FMN1: variants seen among roughly 807,000 people sequenced by gnomAD.
The protein encoded by FMN1 is formin-1.
FMN1 carries 110 observed loss-of-function variants against 132.4 expected under a neutral mutation model. That is an observed-to-expected ratio of 0.83 (90% CI 0.71 to 0.97). The LOEUF (loss-of-function observed/expected upper bound fraction) is 0.97, where lower values mean the gene tolerates loss of function less well. FMN1 is among the 50% of genes least tolerant of loss of function. The pLI is 0.00. For missense variants in FMN1, 1,792 were observed against 1,705.3 expected, an observed-to-expected ratio of 1.05 and a Z score of -0.90; for synonymous variants, 722 against 651.7, an observed-to-expected ratio of 1.11 and a Z score of -1.64.
At chr15:33,150,810 A>T in intron 4 of FMN1, 1 of 986,942 alleles carries the variant, frequency 1.0e-6, no homozygotes, top group Non-Finnish European at 1.2e-6. Context: ...ATAAATGTCC[A>T]CAGACCATAA....
At position 33,153,629 on chromosome 15, in the gene FMN1, T is replaced by G; in HGVS notation, c.1286A>C (p.Lys429Thr). The change falls in exon 4 of 21, where the codon AAG becomes ACG. Residue 429 changes from lysine to threonine, a missense_variant. Lys to Thr is a moderately conservative substitution (Grantham distance 78). Around this residue, in one of 3 missense-constraint regions of FMN1, gnomAD observed 638 missense variants for 645.2 expected, o/e 0.99. Coordinates refer to ENST00000616417, the MANE Select transcript of FMN1 (RefSeq NM_001277313.2). ...KVPLKVIESE[K>T]LDEAPEGKRL... ...TTTCCCCTCAGGGGCTTCATCTAACTTCTCACTCTCTATCACCTTCAGGGG... is the reference window on the plus strand; with the variant it reads ...TTTCCCCTCAGGGGCTTCATCTAACGTCTCACTCTCTATCACCTTCAGGGG... 9.8e-6 allele frequency: 15 copies of G among 1,536,258 alleles called. No individual in the cohort carries two copies. Among genetic ancestry groups the G allele is most frequent in the Non-Finnish European group, 1.3e-5 (15 of 1,146,928 alleles).
chr15:32,810,472 C>A (rs2057835645), intron 17 of FMN1, among the ~76,000 whole-genome samples: 2 of 152,202 alleles, frequency 1.3e-5, no homozygotes, highest in Non-Finnish European at 2.9e-5. Flanking sequence ...GCACAAATAG[C>A]ATTAACCCTC....
intron 3 of FMN1, among the ~76,000 whole-genome samples, chr15:33,155,329 GTC>G (rs373783179): frequency 4.9e-4 from 74 of 152,256 alleles, no homozygotes; most frequent in African/African-American, 1.7e-3. Context: ...CCTGGATCAG[GTC>G]TCTCAACTTC....
At chr15:33,126,217 CAG>C (rs59961171) in intron 4 of FMN1, among the ~76,000 whole-genome samples, 8,610 of 152,174 alleles carry the variant, frequency 0.057, 775 homozygotes, top group African/African-American at 0.19. Context: ...CACCTAAAGA[CAG>C]AGAGTTTTCC....
chr15:33,095,475 A>T (rs914599564), intron 4 of FMN1, among the ~76,000 whole-genome samples: 7 of 152,210 alleles, frequency 4.6e-5, no homozygotes, highest in African/African-American at 1.4e-4. Flanking sequence ...AACTCACTGT[A>T]GCCTTGGCCT....
intron 3 of FMN1, among the ~76,000 whole-genome samples, chr15:33,172,321 G>T (rs1456016401): frequency 6.6e-6 from 1 of 152,182 alleles, no homozygotes; most frequent in Non-Finnish European, 1.5e-5. Context: ...TGGAATGGGT[G>T]GACTTTTGTT....
chr15:33,120,640 T>C (rs11635097), intron 4 of FMN1, among the ~76,000 whole-genome samples: 27,614 of 152,064 alleles, frequency 0.18, 2,851 homozygotes, highest in Middle Eastern at 0.27. Flanking sequence ...TCTTTTCGTG[T>C]TCTGGTATTC....
chr15:33,101,615 A>G (rs1174516666), intron 4 of FMN1, among the ~76,000 whole-genome samples: 1 of 152,148 alleles, frequency 6.6e-6, no homozygotes, highest in Non-Finnish European at 1.5e-5. Context: ...CTGAAGCACA[A>G]AATAAATTCT....
chr15:32,874,722 G>C (rs899164545), intron 16 of FMN1, among the ~76,000 whole-genome samples: 3 of 152,212 alleles, frequency 2.0e-5, no homozygotes, highest in African/African-American at 7.2e-5. Context: ...TGTTTATAAA[G>C]GACTTGATCT....
intron 5 of FMN1, among the ~76,000 whole-genome samples, chr15:33,085,825 T>C (rs1316223668): frequency 6.6e-6 from 1 of 152,164 alleles, no homozygotes; most frequent in East Asian, 1.9e-4. Flanking sequence ...TGGAAACAAC[T>C]TCAATATCCA....
chr15:33,046,225 C>T (rs2036676438), intron 6 of FMN1, among the ~76,000 whole-genome samples: 2 of 152,264 alleles, frequency 1.3e-5, no homozygotes, highest in Middle Eastern at 3.4e-3. Flanking sequence ...AACTGAGTTC[C>T]TTCCAGCTTA....
chr15:32,963,034 A>T (rs889074806), intron 9 of FMN1, among the ~76,000 whole-genome samples: 45 of 144,148 alleles, frequency 3.1e-4, no homozygotes, highest in African/African-American at 9.8e-4. Context: ...CTATAAAGAC[A>T]CATGCACACG....
chr15:33,127,726 G>A (rs545134186), intron 4 of FMN1, among the ~76,000 whole-genome samples: 11 of 152,302 alleles, frequency 7.2e-5, no homozygotes, highest in South Asian at 2.1e-4. Flanking sequence ...GTTTCAGGCA[G>A]GTTATATTGT....
intron 6 of FMN1, among the ~76,000 whole-genome samples, chr15:33,049,009 A>T (rs1386152200): frequency 2.6e-5 from 4 of 152,258 alleles, no homozygotes; most frequent in African/African-American, 9.6e-5. Flanking sequence ...TCCTAAATTT[A>T]GACGGTTAAA....
At chr15:33,116,790 T>C (rs574843477) in intron 4 of FMN1, among the ~76,000 whole-genome samples, 2 of 152,126 alleles carry the variant, frequency 1.3e-5, no homozygotes, top group South Asian at 2.1e-4. Context: ...CGACAAAGTA[T>C]AGGCCTTGAA....
chr15:33,003,819 C>G (rs2140923777), intron 7 of FMN1, among the ~76,000 whole-genome samples: 1 of 152,312 alleles, frequency 6.6e-6, no homozygotes, highest in East Asian at 1.9e-4. Flanking sequence ...GTAACCAAAA[C>G]AGCATGGTTC....
At chr15:33,145,370 T>C (rs1964175370) in intron 4 of FMN1, among the ~76,000 whole-genome samples, 1 of 151,898 alleles carries the variant, frequency 6.6e-6, no homozygotes. Flanking sequence ...TTTCACACCG[T>C]GCTTCCATAG....
chr15:32,994,232 T>TCACACACACACA (rs1555375420), intron 7 of FMN1, among the ~76,000 whole-genome samples: 908 of 37,252 alleles, frequency 0.024, 9 homozygotes, highest in African/African-American at 0.049. Flanking sequence ...TCTCTCTCTC[T>TCACACACACACA]CACACACACA....
chr15:33,118,117 G>T (rs891651949), intron 4 of FMN1, among the ~76,000 whole-genome samples: 3 of 152,146 alleles, frequency 2.0e-5, no homozygotes, highest in African/African-American at 7.2e-5. Context: ...ACATGTGCAT[G>T]TATCTCTATG....
Sources: allele counts gnomAD v4.1 joint callset (sites outside exome capture counted in the v4.1 genomes callset), GRCh38; gene constraint gnomAD v4.1.1; regional missense constraint gnomAD v4.1.1; transcripts MANE v1.5; gene names NCBI Gene and HGNC (gene_info 2026-07-23, HGNC 2026-07-21).